The following NPAS3 variants were observed in gnomAD, a reference collection of about 807,000 sequenced individuals.
NPAS3 encodes neuronal PAS domain-containing protein 3.
A neutral mutation model predicts 73.1 loss-of-function variants in NPAS3; 14 were observed. The ratio of observed to expected loss-of-function variants is 0.19; its 90% CI spans 0.13 to 0.30. The LOEUF (loss-of-function observed/expected upper bound fraction) is 0.30, where lower values mean the gene tolerates loss of function less well. Among genes scored for constraint, NPAS3 ranks in the 10% least tolerant of loss-of-function variants. The pLI, the probability that NPAS3 is intolerant of heterozygous loss-of-function variation, is 1.00. For missense variants in NPAS3, 1,096 were observed against 1,250.0 expected (o/e 0.88, Z 1.86); for synonymous variants, 620 against 541.5 (o/e 1.14, Z -2.01).
At chr14:33,225,934 T>C (rs546580915) in intron 3 of NPAS3, among the ~76,000 whole-genome samples, 20 of 152,314 alleles carry the variant, frequency 1.3e-4, no homozygotes, top group African/African-American at 4.1e-4. Flanking sequence ...GCCAGAAATA[T>C]GTTTTTTAAA....
chr14:33,183,122 G>A (rs1016770426), intron 2 of NPAS3, among the ~76,000 whole-genome samples: 2 of 152,074 alleles, frequency 1.3e-5, no homozygotes, highest in South Asian at 2.1e-4. Flanking sequence ...AACTCTCGAT[G>A]TACCTTAGAA....
intron 4 of NPAS3, among the ~76,000 whole-genome samples, chr14:33,488,575 A>G (rs1014974816): frequency 6.6e-6 from 1 of 152,198 alleles, no homozygotes; most frequent in Admixed American, 6.5e-5. Flanking sequence ...ACATTAAACA[A>G]TAACATTTCC....
chr14:33,220,171 C>T (rs1225933423), intron 3 of NPAS3, among the ~76,000 whole-genome samples: 1 of 152,174 alleles, frequency 6.6e-6, no homozygotes, highest in East Asian at 1.9e-4. Flanking sequence ...ACGAGTAGGG[C>T]AAAGATGGTA....
chr14:33,345,167 A>C (rs145741506), intron 3 of NPAS3, among the ~76,000 whole-genome samples: 3 of 152,288 alleles, frequency 2.0e-5, no homozygotes, highest in African/African-American at 4.8e-5. Flanking sequence ...TAACTAATTT[A>C]CTCTAAACGT....
chr14:33,203,657 A>G (rs1173910479), intron 2 of NPAS3, among the ~76,000 whole-genome samples: 1 of 152,046 alleles, frequency 6.6e-6, no homozygotes, highest in South Asian at 2.1e-4. Flanking sequence ...TGAACTCATC[A>G]TTTTTTATGG....
intron 5 of NPAS3, among the ~76,000 whole-genome samples, chr14:33,634,977 A>G (rs570882066): frequency 6.6e-6 from 1 of 152,228 alleles, no homozygotes; most frequent in Non-Finnish European, 1.5e-5. Flanking sequence ...CTGTCATCAG[A>G]TTCCAGCCCT....
intron 5 of NPAS3, among the ~76,000 whole-genome samples, chr14:33,585,044 G>A (rs561204859): frequency 4.9e-4 from 74 of 151,742 alleles, no homozygotes; most frequent in African/African-American, 1.6e-3. Flanking sequence ...AGCTAGGGCA[G>A]CAGAAAAGAA....
intron 3 of NPAS3, among the ~76,000 whole-genome samples, chr14:33,302,419 G>A (rs1430854963): frequency 6.6e-6 from 1 of 152,124 alleles, no homozygotes; most frequent in Non-Finnish European, 1.5e-5. Context: ...ATTAACAAGG[G>A]TCAGTATGGC....
At chr14:33,798,402 C>A (rs1179458210) in intron 11 of NPAS3, among the ~76,000 whole-genome samples, 2 of 152,148 alleles carry the variant, frequency 1.3e-5, no homozygotes, top group Admixed American at 6.5e-5. Flanking sequence ...AATCCTACAC[C>A]TCTTTTAACC....
intron 2 of NPAS3, among the ~76,000 whole-genome samples, chr14:33,056,818 A>G (rs552745719): frequency 8.5e-5 from 13 of 152,320 alleles, no homozygotes; most frequent in African/African-American, 3.1e-4. Context: ...CTTTAATTAA[A>G]TTCTCCTATG....
At chr14:33,289,184 G>T (rs188345766) in intron 3 of NPAS3, among the ~76,000 whole-genome samples, 1 of 152,142 alleles carries the variant, frequency 6.6e-6, no homozygotes, top group African/African-American at 2.4e-5. Flanking sequence ...CCATTTTGCA[G>T]ATGAGAAAGT....
At position 33,501,729 on chromosome 14, in the gene NPAS3, C is replaced by T. The variant is rs566062718; in HGVS notation, c.469-58392C>T. Among the ~76,000 whole-genome samples the T allele has an allele frequency of 1.4e-3, 215 of 151,656 alleles. 1 individual carries two copies. The highest frequency in any genetic ancestry group is 4.9e-3 in the African/African-American group (204 of 41,416). On this transcript the variant is annotated intron_variant, in intron 4 of 11. Transcript: ENST00000356141. ...CTGAGCTGCTTCTGAACCTTAGCAG[C>T]AGGTATAGCCTGCAGCAGCTCAGGG... is the stretch of plus-strand genomic sequence containing the variant.
chr14:33,308,555 CAT>C (rs1555371850), intron 3 of NPAS3, among the ~76,000 whole-genome samples: 4 of 90,448 alleles, frequency 4.4e-5, no homozygotes, highest in South Asian at 2.7e-4. Context: ...CACACACACA[CAT>C]ACATACATTA....
At chr14:33,650,185 G>A (rs1159204463) in intron 5 of NPAS3, among the ~76,000 whole-genome samples, 1 of 152,186 alleles carries the variant, frequency 6.6e-6, no homozygotes, top group African/African-American at 2.4e-5. Flanking sequence ...AGAAAATCTT[G>A]CGCATTGTAA....
At chr14:33,113,918 A>C (rs2042978019) in intron 2 of NPAS3, among the ~76,000 whole-genome samples, 1 of 152,176 alleles carries the variant, frequency 6.6e-6, no homozygotes, top group South Asian at 2.1e-4. Flanking sequence ...GCATCTATTG[A>C]GATAATCATG....
At chr14:33,267,240 A>G (rs533822969) in intron 3 of NPAS3, among the ~76,000 whole-genome samples, 1 of 152,184 alleles carries the variant, frequency 6.6e-6, no homozygotes, top group African/African-American at 2.4e-5. Flanking sequence ...ATACTAGAAG[A>G]TATTGCTTCC....
At chr14:33,056,558 C>T (rs953544910) in intron 2 of NPAS3, among the ~76,000 whole-genome samples, 6 of 152,202 alleles carry the variant, frequency 3.9e-5, no homozygotes, top group Admixed American at 6.5e-5. Context: ...TCTGTCTTTG[C>T]TGCCATTTGC....
chr14:33,215,286 C>T (rs745550233), exon 3 of NPAS3: 1 of 1,552,296 alleles, frequency 6.4e-7, no homozygotes, highest in Non-Finnish European at 8.9e-7. Flanking sequence ...CCTCTTCCTG[C>T]AGCCATTACC....
chr14:33,588,456 G>A (rs2056946005), intron 5 of NPAS3, among the ~76,000 whole-genome samples: 1 of 152,168 alleles, frequency 6.6e-6, no homozygotes, highest in African/African-American at 2.4e-5. Flanking sequence ...AAGTCCCCCT[G>A]ACATAAGAAC....
Sources: allele counts gnomAD v4.1 joint callset (sites outside exome capture counted in the v4.1 genomes callset), GRCh38; gene constraint gnomAD v4.1.1; transcripts MANE v1.5; gene names NCBI Gene and HGNC (gene_info 2026-07-23, HGNC 2026-07-21).